Variants in NCALD observed in about 807,000 individuals in gnomAD.
The protein encoded by NCALD is neurocalcin-delta.
A neutral mutation model predicts 18.6 loss-of-function variants in NCALD; 10 were observed. The ratio of observed to expected loss-of-function variants is 0.54; its 90% confidence interval spans 0.33 to 0.91. The LOEUF (loss-of-function observed/expected upper bound fraction) is 0.91. NCALD is among the 40% of genes least tolerant of loss of function. NCALD has a pLI of 0.03. For missense variants in NCALD, 184 were observed against 247.6 expected (o/e 0.74, Z 1.72); for synonymous variants, 88 against 87.4 (o/e 1.01, Z -0.04).
intron 2 of NCALD, among the ~76,000 whole-genome samples, chr8:101,988,219 G>A (rs1820902526): frequency 6.6e-6 from 1 of 151,622 alleles, no homozygotes; most frequent in Non-Finnish European, 1.5e-5. Flanking sequence ...TAAGAAATGG[G>A]TACTCCATAG....
chr8:102,020,343 A>T (rs1822231530), intron 1 of NCALD: 1 of 152,226 alleles, frequency 6.6e-6, no homozygotes, highest in Non-Finnish European at 1.5e-5. Context: ...AAGAATAATT[A>T]AAAAGTCTAA....
chr8:101,729,510 T>C (rs1249843036), intron 1 of NCALD, among the ~76,000 whole-genome samples: 1 of 152,186 alleles, frequency 6.6e-6, no homozygotes, highest in East Asian at 1.9e-4. Context: ...AGGCTGGGCA[T>C]GTGAGCTCAT....
chr8:101,947,948 A>C (rs575672501), intron 2 of NCALD, among the ~76,000 whole-genome samples: 7 of 152,354 alleles, frequency 4.6e-5, no homozygotes, highest in African/African-American at 1.7e-4. Flanking sequence ...GGCTGTAGAA[A>C]AAAGATGTAA....
rs1285221314 is a variant in NCALD at position 101,689,547 on chromosome 8, C to T, written c.485-141G>A. ...TGTGACACACAGCACTCACCTGTCC[C>T]GGGGAAGAGCCCAGTGGAATCTCCA... On this transcript the variant is annotated intron_variant, in intron 3 of 3. Coordinates refer to ENST00000220931, the MANE Select transcript of NCALD (RefSeq NM_032041.3). The surrounding 1 kb of genome is among the most constrained non-coding windows in gnomAD (Gnocchi z 4.4). 9 of 651,758 alleles carry T rather than the reference C, an allele frequency of 1.4e-5. No homozygotes were observed. The highest frequency in any genetic ancestry group is 5.5e-5 in the South Asian group (3 of 54,804). 40.4% of individuals were successfully genotyped at this position (651,758 alleles called of 1,614,324 possible). A position where few individuals can be genotyped will look rare whatever the true frequency, so the allele number is the denominator to read the frequency against.
intron 2 of NCALD, among the ~76,000 whole-genome samples, chr8:101,935,120 G>C (rs752206148): frequency 6.6e-6 from 1 of 151,968 alleles, no homozygotes; most frequent in Non-Finnish European, 1.5e-5. Flanking sequence ...TAAGACGAAG[G>C]AGTAGCCTCT....
At chr8:102,060,418 C>A (rs1213788970) in intron 1 of NCALD, among the ~76,000 whole-genome samples, 1 of 152,228 alleles carries the variant, frequency 6.6e-6, no homozygotes. Context: ...GACAGCCAGT[C>A]TGAGACCTCA....
chr8:101,929,577 G>A (rs1417780935), intron 2 of NCALD, among the ~76,000 whole-genome samples: 1 of 76,746 alleles, frequency 1.3e-5, no homozygotes, highest in Non-Finnish European at 2.7e-5. Context: ...GGGAAGGAGG[G>A]AGGGAAGGAA....
intron 1 of NCALD, among the ~76,000 whole-genome samples, chr8:101,752,376 C>T (rs1372415249): frequency 6.6e-6 from 1 of 152,166 alleles, no homozygotes; most frequent in Non-Finnish European, 1.5e-5. Context: ...GAATTAAAAA[C>T]TAACAGAGAA....
At chr8:101,734,626 T>G (rs1367341844) in intron 1 of NCALD, among the ~76,000 whole-genome samples, 2 of 152,244 alleles carry the variant, frequency 1.3e-5, no homozygotes, top group Non-Finnish European at 2.9e-5. Context: ...TCTGGATAAA[T>G]GCAGGCACCT....
chr8:102,032,714 T>G (rs77299460), intron 1 of NCALD, among the ~76,000 whole-genome samples: 4,000 of 151,356 alleles, frequency 0.026, 157 homozygotes, highest in African/African-American at 0.09. Flanking sequence ...GTATCTCATG[T>G]GCATGCTCAC....
rs1289400018 is a variant in NCALD at position 101,778,888 on chromosome 8, A to G, written c.-20+11974T>C. 2.6e-5 allele frequency among the ~76,000 whole-genome samples: 4 copies of G among 152,270 alleles called. No homozygotes were observed. In the East Asian group the frequency reaches 7.7e-4, roughly 29 times the overall value. ...TTAAAAAACCTGAAGAGGAATAATA[A>G]TTTAAAAAATATCTGGACACTTCCT... On this transcript the variant is annotated intron_variant, in intron 1 of 3. Transcript: ENST00000220931.
At chr8:101,782,453 C>A (rs1812054826) in intron 1 of NCALD, among the ~76,000 whole-genome samples, 1 of 152,158 alleles carries the variant, frequency 6.6e-6, no homozygotes, top group Admixed American at 6.6e-5. Context: ...AAAATATTCT[C>A]ACCCCACTTA....
intron 1 of NCALD, among the ~76,000 whole-genome samples, chr8:101,762,718 C>CAT (rs1811165826): frequency 6.6e-6 from 1 of 151,832 alleles, no homozygotes; most frequent in Non-Finnish European, 1.5e-5. Flanking sequence ...GGGTTATAGG[C>CAT]GCTTGCCACC....
At chr8:101,789,635 T>C (rs574453332) in intron 1 of NCALD, among the ~76,000 whole-genome samples, 1 of 152,220 alleles carries the variant, frequency 6.6e-6, no homozygotes, top group Non-Finnish European at 1.5e-5. Flanking sequence ...ACTGTGAATA[T>C]ATGGTATTCA....
In NCALD at chr8:102,011,131, C is replaced by T. The variant is rs528367453; in HGVS notation, c.-157+9106G>A. ...ACTCTTCATTTCTTTCTTGACCTCA[C>T]GGAGTCCTCTTTGACTTCTACCCAT... On this transcript the variant is annotated intron_variant, in intron 2 of 6. Coordinates refer to the NCALD transcript ENST00000311028. Among the ~76,000 whole-genome samples, 22 of 152,238 alleles carry T rather than the reference C, an allele frequency of 1.4e-4. No individual in the cohort carries two copies. The South Asian group carries it at 1.9e-3, about 13-fold the overall frequency.
chr8:102,123,294 T>C (rs1008288051), intron 1 of NCALD, among the ~76,000 whole-genome samples: 1 of 152,116 alleles, frequency 6.6e-6, no homozygotes, highest in African/African-American at 2.4e-5. Context: ...GAACAGAACA[T>C]AGACCTTCTT....
At chr8:101,727,505 C>G (rs1258185239) in intron 1 of NCALD, among the ~76,000 whole-genome samples, 1 of 152,068 alleles carries the variant, frequency 6.6e-6, no homozygotes, top group Non-Finnish European at 1.5e-5. Flanking sequence ...GCAATGTCAC[C>G]CAAGCTGGAG....
chr8:102,115,486 T>C (rs76973816), intron 1 of NCALD, among the ~76,000 whole-genome samples: 9,295 of 152,230 alleles, frequency 0.061, 420 homozygotes, highest in Non-Finnish European at 0.093. Context: ...TAAAACAGAA[T>C]AATTGATGCC....
intron 2 of NCALD, among the ~76,000 whole-genome samples, chr8:101,977,704 C>A (rs985727086): frequency 6.6e-6 from 1 of 152,168 alleles, no homozygotes; most frequent in African/African-American, 2.4e-5. Flanking sequence ...GGGCTGCAAT[C>A]CTTAGACAGC....
Sources: gnomAD v4.1 joint callset for allele counts (sites outside exome capture counted in the v4.1 genomes callset) on GRCh38, gnomAD v4.1.1 for gene constraint, Gnocchi (gnomAD v3.1) non-coding constraint, MANE v1.5 for transcripts, NCBI Gene and HGNC (gene_info 2026-07-23, HGNC 2026-07-21) for gene names.